The following SVIL variants were observed in gnomAD, a reference collection of about 807,000 sequenced individuals.
SVIL encodes the protein supervillin.
A neutral mutation model predicts 240.4 loss-of-function variants in SVIL; 101 were observed. That is an observed-to-expected ratio of 0.42 (90% CI 0.36 to 0.50). The LOEUF (loss-of-function observed/expected upper bound fraction) is 0.50, where lower values mean the gene tolerates loss of function less well. Among genes scored for constraint, SVIL ranks in the 20% least tolerant of loss-of-function variants. SVIL has a pLI of 0.01. For synonymous variants in SVIL, 999 were observed against 1,100.0 expected (o/e 0.91, Z 1.82); for missense variants, 2,512 against 2,818.7 (o/e 0.89, Z 2.46).
intron 1 of SVIL, among the ~76,000 whole-genome samples, chr10:29,583,784 C>T (rs923374736): frequency 2.6e-5 from 4 of 152,180 alleles, no homozygotes; most frequent in African/African-American, 9.7e-5. Context: ...AGTGCAGGTG[C>T]CTTGGGGAGG....
intron 6 of SVIL, 124 bp downstream of exon 6, chr10:29,550,470 TATG>T (rs1282883897): frequency 5.6e-6 from 6 of 1,063,292 alleles, no homozygotes; most frequent in Admixed American, 5.8e-5. Flanking sequence ...AATCATATAC[TATG>T]ATATTTCTCC....
At chr10:29,508,942 A>C (rs2132473750) in intron 17 of SVIL, among the ~76,000 whole-genome samples, 1 of 152,358 alleles carries the variant, frequency 6.6e-6, no homozygotes, top group East Asian at 1.9e-4. Flanking sequence ...ACGTCGAATA[A>C]ACCGAAATAG....
At chr10:29,629,174 G>A (rs895672656) in intron 1 of SVIL, among the ~76,000 whole-genome samples, 1 of 152,114 alleles carries the variant, frequency 6.6e-6, no homozygotes, top group African/African-American at 2.4e-5. Context: ...ACAAGGAGAA[G>A]CCAGGAGAAG....
intron 1 of SVIL, among the ~76,000 whole-genome samples, chr10:29,616,534 T>C (rs1016759480): frequency 2.6e-5 from 4 of 152,220 alleles, no homozygotes; most frequent in African/African-American, 2.4e-5. Context: ...GCACTGATAT[T>C]TTTTATGTAA....
At chr10:29,599,462 C>G (rs965854444) in intron 1 of SVIL, among the ~76,000 whole-genome samples, 2 of 151,882 alleles carry the variant, frequency 1.3e-5, no homozygotes, top group African/African-American at 2.4e-5. Context: ...CTCGCCCAGG[C>G]TGGAGTGCAG....
intron 1 of SVIL, among the ~76,000 whole-genome samples, chr10:29,601,564 G>A (rs1481201189): frequency 2.6e-5 from 4 of 152,190 alleles, no homozygotes; most frequent in Non-Finnish European, 4.4e-5. Context: ...TTTCAGGATT[G>A]AACCTGTGGC....
intron 1 of SVIL, among the ~76,000 whole-genome samples, chr10:29,585,452 A>G (rs573786103): frequency 6.6e-6 from 1 of 152,154 alleles, no homozygotes; most frequent in Admixed American, 6.5e-5. Flanking sequence ...TTCTCCTAAC[A>G]TGCTGGGATT....
chr10:29,579,013 A>C (rs1224211102), intron 1 of SVIL, among the ~76,000 whole-genome samples: 1 of 152,202 alleles, frequency 6.6e-6, no homozygotes, highest in Non-Finnish European at 1.5e-5. Context: ...CGCTGGGGAA[A>C]CTGGAAGTAT....
intron 1 of SVIL, among the ~76,000 whole-genome samples, chr10:29,633,405 G>C (rs957778083): frequency 6.6e-6 from 1 of 152,018 alleles, no homozygotes; most frequent in Non-Finnish European, 1.5e-5. Flanking sequence ...AATGCTGTAT[G>C]GGACTGTCCC....
intron 16 of SVIL, among the ~76,000 whole-genome samples, chr10:29,516,007 C>T (rs990213063): frequency 2.0e-5 from 3 of 152,180 alleles, no homozygotes; most frequent in Admixed American, 1.3e-4. Flanking sequence ...ATTCCATTGA[C>T]TGAGGTCACA....
intron 3 of SVIL, among the ~76,000 whole-genome samples, chr10:29,561,989 G>A (rs1184932820): frequency 6.6e-6 from 1 of 152,084 alleles, no homozygotes; most frequent in Non-Finnish European, 1.5e-5. Context: ...ACTGTGTCTC[G>A]GCCTATCACC....
At chr10:29,494,400 G>A (rs964493889) in intron 20 of SVIL, among the ~76,000 whole-genome samples, 1 of 152,210 alleles carries the variant, frequency 6.6e-6, no homozygotes, top group African/African-American at 2.4e-5. Flanking sequence ...GGGACTCCCA[G>A]CGCCTAGTAT....
In SVIL at chr10:29,576,115, C is replaced by T. The variant is rs74890807; in HGVS notation, c.-200-6803G>A. On this transcript the variant is annotated intron_variant, in intron 1 of 37. Coordinates refer to ENST00000355867, the MANE Select transcript of SVIL (RefSeq NM_021738.3). ...GTACCTGACTTTTCTCTCCCGAATA[C>T]GTTTGGCTTCATTTTCGTTATGATG... The T allele has an allele frequency of 7.2e-4, 714 of 985,278 alleles. 6 individuals carry two copies. The African/African-American group carries it at 0.012, about 16-fold the overall frequency. The allele number at this position is 985,278 out of a possible 1,614,324, so 61.0% of individuals were successfully genotyped here.
chr10:29,660,351 C>G (rs531042892), intron 2 of SVIL, among the ~76,000 whole-genome samples: 2 of 152,198 alleles, frequency 1.3e-5, no homozygotes, highest in African/African-American at 2.4e-5. Flanking sequence ...GTGGCTCATA[C>G]CTATTGTTCC....
intron 24 of SVIL, 33 bp from the exon 25 acceptor site, chr10:29,486,590 GA>G: frequency 6.2e-7 from 1 of 1,613,548 alleles, no homozygotes; most frequent in Non-Finnish European, 8.5e-7. Flanking sequence ...TGCCTGGGTA[GA>G]AAAGCCCTTG....
intron 1 of SVIL, among the ~76,000 whole-genome samples, chr10:29,572,208 A>C (rs1280247511): frequency 6.6e-6 from 1 of 152,230 alleles, no homozygotes; most frequent in African/African-American, 2.4e-5. Flanking sequence ...CACAAGGTAC[A>C]TCAACCCTGG....
At chr10:29,617,999 C>T (rs2132899444) in intron 1 of SVIL, among the ~76,000 whole-genome samples, 1 of 152,308 alleles carries the variant, frequency 6.6e-6, no homozygotes, top group Admixed American at 6.5e-5. Flanking sequence ...AAACATCCTG[C>T]AGCCTCTAAT....
intron 1 of SVIL, among the ~76,000 whole-genome samples, chr10:29,597,918 A>C (rs1392773217): frequency 1.3e-5 from 2 of 152,126 alleles, no homozygotes; most frequent in African/African-American, 4.8e-5. Flanking sequence ...AAAGAATTAA[A>C]AGCAGGGTGT....
chr10:29,595,138 T>C (rs1956535176), intron 1 of SVIL, among the ~76,000 whole-genome samples: 1 of 152,064 alleles, frequency 6.6e-6, no homozygotes, highest in South Asian at 2.1e-4. Flanking sequence ...TTCTCATGAG[T>C]GGGGCTCTAG....
Sources: allele counts gnomAD v4.1 joint callset (sites outside exome capture counted in the v4.1 genomes callset), GRCh38; gene constraint gnomAD v4.1.1; transcripts MANE v1.5; gene names NCBI Gene and HGNC (gene_info 2026-07-23, HGNC 2026-07-21).